Variants in TCF7L1 observed in about 807,000 individuals in gnomAD.
TCF7L1 encodes transcription factor 7 like 1.
A neutral mutation model predicts 63.7 loss-of-function variants in TCF7L1; 18 were observed. That is an observed-to-expected ratio of 0.28 (90% CI 0.20 to 0.42). The LOEUF is 0.42. Ranked by LOEUF, TCF7L1 falls within the 10% of genes least tolerant of loss-of-function variation. The probability of loss-of-function intolerance (pLI) is 1.00; values close to 1 mark genes in which losing one functional copy is unlikely to be tolerated. For synonymous variants in TCF7L1, 355 were observed against 340.9 expected (o/e 1.04, Z -0.46); for missense variants, 654 against 779.3 (o/e 0.84, Z 1.91).
chr2:85,217,474 G>A (rs1301267998), intron 3 of TCF7L1, among the ~76,000 whole-genome samples: 1 of 152,114 alleles, frequency 6.6e-6, no homozygotes, highest in Non-Finnish European at 1.5e-5. Context: ...GCAGCATAGG[G>A]TGTCACAGCC....
intron 3 of TCF7L1, among the ~76,000 whole-genome samples, chr2:85,214,611 A>G (rs1245796565): frequency 1.3e-5 from 2 of 152,220 alleles, no homozygotes; most frequent in African/African-American, 4.8e-5. Flanking sequence ...TGGCTGGGAC[A>G]GGATATGCAA....
At chr2:85,247,529 T>C (rs1680493682) in intron 3 of TCF7L1, among the ~76,000 whole-genome samples, 1 of 152,360 alleles carries the variant, frequency 6.6e-6, no homozygotes, top group South Asian at 2.1e-4. Flanking sequence ...GTCTTTAACT[T>C]GCAAAACTTA....
chr2:85,308,572 T>A (rs1573037463), intron 11 of TCF7L1, among the ~76,000 whole-genome samples: 2 of 139,096 alleles, frequency 1.4e-5, no homozygotes, highest in South Asian at 5.0e-4. Flanking sequence ...TTTCCTTGCC[T>A]CCCCTCCTCC....
intron 3 of TCF7L1, among the ~76,000 whole-genome samples, chr2:85,178,233 T>C (rs1259420571): frequency 2.0e-5 from 3 of 152,262 alleles, no homozygotes; most frequent in Non-Finnish European, 4.4e-5. Flanking sequence ...GTGCCTTTCT[T>C]ACACACTTTT....
intron 3 of TCF7L1, among the ~76,000 whole-genome samples, chr2:85,144,761 G>T (rs1308728575): frequency 1.3e-5 from 2 of 151,276 alleles, no homozygotes; most frequent in African/African-American, 4.9e-5. Flanking sequence ...ATGTGTGTGT[G>T]TGTGTATGTA....
intron 3 of TCF7L1, among the ~76,000 whole-genome samples, chr2:85,266,926 C>G (rs753690561): frequency 1.3e-5 from 2 of 152,244 alleles, no homozygotes; most frequent in Non-Finnish European, 2.9e-5. Flanking sequence ...CAGTGTCCTC[C>G]GTGACCTTGG....
At chr2:85,242,091 TAAAG>T (rs967302308) in intron 3 of TCF7L1, among the ~76,000 whole-genome samples, 1 of 152,182 alleles carries the variant, frequency 6.6e-6, no homozygotes, top group Non-Finnish European at 1.5e-5. Flanking sequence ...GGGACCATCT[TAAAG>T]AAGCCAGTGA....
chr2:85,167,057 C>G (rs868050353), intron 3 of TCF7L1: 22 of 152,324 alleles, frequency 1.4e-4, no homozygotes, highest in African/African-American at 4.8e-4. Flanking sequence ...GGCCACCACA[C>G]CCGGCTAATT....
intron 3 of TCF7L1, among the ~76,000 whole-genome samples, chr2:85,158,848 C>T (rs1678214811): frequency 6.6e-6 from 1 of 152,252 alleles, no homozygotes; most frequent in Admixed American, 6.5e-5. Flanking sequence ...GAAGGGCCTC[C>T]TGGTACTGCC....
intron 3 of TCF7L1, among the ~76,000 whole-genome samples, chr2:85,216,042 T>C (rs1384120645): frequency 1.3e-5 from 2 of 152,092 alleles, no homozygotes; most frequent in African/African-American, 4.8e-5. Context: ...CTTTCTCCTC[T>C]TGTGGTGATG....
At chr2:85,142,804 T>C (rs1677777398) in intron 3 of TCF7L1, among the ~76,000 whole-genome samples, 1 of 152,218 alleles carries the variant, frequency 6.6e-6, no homozygotes, top group Non-Finnish European at 1.5e-5. Context: ...CTCTGTGCTG[T>C]ATGCACTGCC....
chr2:85,294,436 A>G (rs1035513699), intron 4 of TCF7L1, among the ~76,000 whole-genome samples: 3 of 152,012 alleles, frequency 2.0e-5, no homozygotes, highest in African/African-American at 7.3e-5. Flanking sequence ...CGAGCCTGAG[A>G]ATTTGCATTC....
intron 3 of TCF7L1, among the ~76,000 whole-genome samples, chr2:85,279,756 C>G (rs181869953): frequency 3.9e-5 from 6 of 152,308 alleles, no homozygotes; most frequent in African/African-American, 1.4e-4. Flanking sequence ...GAGTCCCTCC[C>G]TACACACCGC....
At chr2:85,229,852 C>CA (rs1224463998) in intron 3 of TCF7L1, among the ~76,000 whole-genome samples, 1 of 151,944 alleles carries the variant, frequency 6.6e-6, no homozygotes, top group East Asian at 1.9e-4. Context: ...ACTAAAAATA[C>CA]AAAAAAATAG....
chr2:85,201,961 A>ATTTAT (rs1228370734), intron 3 of TCF7L1, among the ~76,000 whole-genome samples: 62 of 83,122 alleles, frequency 7.5e-4, no homozygotes, highest in Admixed American at 2.2e-3. Context: ...TTATTTATTT[A>ATTTAT]TTTATTTTAT....
intron 3 of TCF7L1, among the ~76,000 whole-genome samples, chr2:85,279,948 G>A (rs1382353710): frequency 6.6e-6 from 1 of 152,346 alleles, no homozygotes; most frequent in Admixed American, 6.5e-5. Context: ...AAGACTTCTT[G>A]TTACATAGAT....
chr2:85,272,639 A>G (rs1448721730), intron 3 of TCF7L1, among the ~76,000 whole-genome samples: 2 of 151,996 alleles, frequency 1.3e-5, no homozygotes, highest in East Asian at 3.9e-4. Flanking sequence ...ACCAAAAAAA[A>G]AAAAAATTAG....
intron 4 of TCF7L1, among the ~76,000 whole-genome samples, chr2:85,299,267 A>G (rs894029754): frequency 1.3e-5 from 2 of 152,004 alleles, no homozygotes; most frequent in African/African-American, 4.8e-5. Context: ...ACTGATGCAG[A>G]GGCTGGGCGT....
chr2:85,302,943 G>T (rs144165734), intron 5 of TCF7L1, among the ~76,000 whole-genome samples: 1 of 152,208 alleles, frequency 6.6e-6, no homozygotes, highest in Non-Finnish European at 1.5e-5. Flanking sequence ...ACCAAGACAT[G>T]TTTGCCCTAA....
Sources: gnomAD v4.1 joint callset for allele counts (sites outside exome capture counted in the v4.1 genomes callset) on GRCh38, gnomAD v4.1.1 for gene constraint, MANE v1.5 for transcripts, NCBI Gene and HGNC (gene_info 2026-07-23, HGNC 2026-07-21) for gene names.